The following SPTA1 variants were observed in gnomAD, a reference collection of about 807,000 sequenced individuals.
The protein encoded by SPTA1 is spectrin alpha, erythrocytic 1.
A neutral mutation model predicts 324.7 loss-of-function variants in SPTA1; 177 were observed. The observed-to-expected ratio is 0.55, with a 90% CI of 0.48 to 0.62. The LOEUF (loss-of-function observed/expected upper bound fraction) is 0.62. SPTA1 is among the 20% of genes least tolerant of loss of function. The probability of loss-of-function intolerance (pLI) is 0.00; values close to 1 mark genes in which losing one functional copy is unlikely to be tolerated. For synonymous variants in SPTA1, 1,195 were observed against 1,041.3 expected (o/e 1.15, Z -2.84); for missense variants, 3,162 against 2,883.6 (o/e 1.10, Z -2.21).
In SPTA1 at chr1:158,680,700, A is replaced by G. The variant is rs1209081781; in HGVS notation, c.561T>C (p.Gly187=). 5.6e-6 allele frequency: 9 copies of G among 1,613,726 alleles called. No homozygotes were observed. In the Admixed American group the frequency reaches 1.3e-4, roughly 24 times the overall value. Residue 187 remains glycine (G), a synonymous_variant, in exon 5 of 52, where the codon GGT becomes GGC. Transcript: ENST00000643759. ...GAACTTCGGTGCGCTCCCAGTCTTC[A>G]CCTAGCTCCACTGATGTCGCTATAG... ...KEAIATSVEL[G]EDWERTEVLH... is the part of the protein sequence containing the mutation.
chr1:158,642,594 A>G, intron 32 of SPTA1, 52 bp from the exon 33 acceptor site: 1 of 1,608,824 alleles, frequency 6.2e-7, no homozygotes, highest in Non-Finnish European at 8.5e-7. Context: ...TATGGTGACA[A>G]GATAAGGTAA....
rs749213614 is a variant in SPTA1, at chr1:158,645,505, T to C, written c.3986A>G (p.Glu1329Gly). The C allele has an allele frequency of 6.2e-7, 1 of 1,613,966 alleles. No individual in the cohort carries two copies. Among genetic ancestry groups the C allele is most frequent in the Admixed American group, 1.7e-5 (1 of 59,990 alleles). The change falls in exon 28 of 52, where the codon GAG (glutamate) becomes GGG (glycine). Residue 1329 changes from glutamate to glycine, a missense_variant. Glu to Gly is a moderately conservative substitution (Grantham distance 98). Transcript: ENST00000643759. The part of the protein sequence containing the change: ...EDLTGIEILL[E>G]RHQEHRADME... The stretch of plus-strand genomic sequence containing the variant: ...CTTTTGTAGTTTTACCTGATGTCTC[T>C]CCAGCAAGATCTCTATGCCAGTTAA...
intron 21 of SPTA1, among the ~76,000 whole-genome samples, chr1:158,654,145 C>T (rs1052235833): frequency 6.6e-6 from 1 of 152,098 alleles, no homozygotes; most frequent in African/African-American, 2.4e-5. Flanking sequence ...TTAAAAATCT[C>T]AACCAATATT....
At chr1:158,614,329 G>A (rs747991992) in intron 48 of SPTA1, 23 bp from the exon 49 acceptor site, 2 of 1,397,944 alleles carry the variant, frequency 1.4e-6, no homozygotes, top group South Asian at 1.2e-5. Context: ...AAAAAAACAT[G>A]AATTTTCCCT....
At chr1:158,626,304 A>G in intron 41 of SPTA1, 82 bp from the exon 42 acceptor site, 1 of 1,285,218 alleles carries the variant, frequency 7.8e-7, no homozygotes, top group Non-Finnish European at 1.1e-6. Flanking sequence ...TATTTACAAC[A>G]CACAACAAGA....
At chr1:158,618,230 G>A in intron 45 of SPTA1, 174 bp from the exon 46 acceptor site, 1 of 653,116 alleles carries the variant, frequency 1.5e-6, no homozygotes, top group East Asian at 2.8e-5. Context: ...CCCACTCTGA[G>A]AAGATCAGAG....
In SPTA1 at chr1:158,652,637, C is replaced by T; in HGVS notation, c.3205G>A (p.Asp1069Asn). Reference protein sequence around the residue: ...QIENQYRSLLDRAEERRRRLL... With the variant: ...QIENQYRSLLNRAEERRRRLL... The stretch of plus-strand genomic sequence containing the variant: ...CGACGTCTGCGTTCTTCTGCCCGAT[C>T]CAAGAGGGAGCGGTATCTGGATGGA... The change falls in exon 23 of 52, where the codon GAT becomes AAT. Residue 1069 changes from aspartate (D) to asparagine (N), a missense_variant. By Grantham distance (23) the Asp-to-Asn change is conservative (BLOSUM62 1). Coordinates refer to ENST00000643759, the MANE Select transcript of SPTA1 (RefSeq NM_003126.4). The T allele has an allele frequency of 1.2e-6, 2 of 1,613,886 alleles. No homozygotes were observed. Among genetic ancestry groups the T allele is most frequent in the Non-Finnish European group, 1.7e-6 (2 of 1,180,008 alleles).
chr1:158,629,818 C>T (rs1650560870), intron 39 of SPTA1, among the ~76,000 whole-genome samples: 1 of 151,876 alleles, frequency 6.6e-6, no homozygotes, highest in Non-Finnish European at 1.5e-5. Context: ...CAGAATAAAA[C>T]TCAAAACATA....
intron 6 of SPTA1, 53 bp downstream of exon 6, chr1:158,678,348 G>T: frequency 1.2e-6 from 2 of 1,609,648 alleles, no homozygotes; most frequent in African/African-American, 2.7e-5. Context: ...ACAAAGACAC[G>T]GTTTTTATAA....
chr1:158,660,831 T>TTG (rs1182134733), intron 18 of SPTA1, among the ~76,000 whole-genome samples: 1 of 152,152 alleles, frequency 6.6e-6, no homozygotes, highest in East Asian at 1.9e-4. Flanking sequence ...ATGAAAAGAA[T>TTG]GAACAGAGGT....
chr1:158,686,351 A>G, intron 1 of SPTA1, 143 bp downstream of exon 1: 5 of 659,982 alleles, frequency 7.6e-6, no homozygotes, highest in South Asian at 7.1e-5. Context: ...GTTCACAAAA[A>G]ATAGTTAAAA....
chr1:158,646,383 G>C (rs534027703), intron 27 of SPTA1, among the ~76,000 whole-genome samples: 4 of 152,208 alleles, frequency 2.6e-5, no homozygotes, highest in Non-Finnish European at 1.5e-5. Flanking sequence ...AAGCAACTAA[G>C]TTTTATTGGG....
intron 23 of SPTA1, among the ~76,000 whole-genome samples, chr1:158,651,843 A>G (rs532527907): frequency 1.1e-4 from 16 of 151,798 alleles, no homozygotes; most frequent in African/African-American, 3.6e-4. Flanking sequence ...TTATCTGCCT[A>G]TATTATGAGA....
chr1:158,656,700 A>T, intron 19 of SPTA1, 44 bp from the exon 20 acceptor site: 1 of 1,531,482 alleles, frequency 6.5e-7, no homozygotes, highest in Non-Finnish European at 9.0e-7. Context: ...TATAGGAGGA[A>T]CACTATTATT....
At chr1:158,670,673 G>C (rs368430375) in intron 12 of SPTA1, among the ~76,000 whole-genome samples, 2 of 152,116 alleles carry the variant, frequency 1.3e-5, no homozygotes, top group African/African-American at 4.8e-5. Context: ...TCACTTCTCT[G>C]AGTCCTGCCT....
intron 39 of SPTA1, among the ~76,000 whole-genome samples, chr1:158,631,422 T>G (rs903150940): frequency 6.6e-6 from 1 of 152,036 alleles, no homozygotes; most frequent in Non-Finnish European, 1.5e-5. Context: ...TAAAAGGCAT[T>G]AAAATGATAC....
At position 158,639,918 on chromosome 1, in the gene SPTA1, T is replaced by C. The variant is rs932851100; in HGVS notation, c.4827A>G (p.Gln1609=). 4 of 1,614,008 alleles carry C rather than the reference T, an allele frequency of 2.5e-6. No individual in the cohort carries two copies. Among genetic ancestry groups the C allele is most frequent in the Non-Finnish European group, 3.4e-6 (4 of 1,179,932 alleles). Residue 1609 remains glutamine (Q), a synonymous_variant, in exon 34 of 52, where the codon CAA becomes CAG. Transcript: ENST00000643759. ...CCCGGATGCTTGTGTTGAACCTCTG[T>C]TGACGACTGGCCTCATTGAGCTTCT... is the stretch of plus-strand genomic sequence containing the variant. ...KGKKLNEASR[Q]QRFNTSIRDF...
At chr1:158,623,553 T>C (rs1376727742) in intron 42 of SPTA1, among the ~76,000 whole-genome samples, 3 of 152,144 alleles carry the variant, frequency 2.0e-5, no homozygotes, top group African/African-American at 7.2e-5. Flanking sequence ...GTTCTTGTGA[T>C]AGTGAGTGAG....
In SPTA1 at chr1:158,638,119, C is replaced by T. The variant is rs368669029; in HGVS notation, c.5103G>A (p.Leu1701=). The T allele has an allele frequency of 2.5e-6, 4 of 1,613,916 alleles. No homozygotes were observed. The African/African-American group carries it at 4.0e-5, about 16-fold the overall frequency. Residue 1701 remains leucine (L), a synonymous_variant, in exon 36 of 52, where the codon TTG becomes TTA. Transcript: ENST00000643759. ...VNKRFLNVQE[L]AAAHHEKLKE... ...TCAATTTTTCGTGGTGTGCAGCTGC[C>T]AATTCTTGGACATTCAGGAAACGCT...
Sources: gnomAD v4.1 joint callset for allele counts (sites outside exome capture counted in the v4.1 genomes callset) on GRCh38, gnomAD v4.1.1 for gene constraint, MANE v1.5 for transcripts, NCBI Gene and HGNC (gene_info 2026-07-23, HGNC 2026-07-21) for gene names.